SPIDR: variants seen among roughly 807,000 people sequenced by gnomAD.
SPIDR encodes scaffold protein involved in DNA repair, also known as DNA repair-scaffolding protein.
SPIDR carries 93 observed loss-of-function variants against 104.6 expected under a neutral mutation model. The observed-to-expected ratio is 0.89, with a 90% CI of 0.75 to 1.06. The LOEUF is 1.06. SPIDR is among the 50% of genes least tolerant of loss of function. The probability of loss-of-function intolerance (pLI) is 0.00; values close to 1 mark genes in which losing one functional copy is unlikely to be tolerated. For synonymous variants in SPIDR, 431 were observed against 416.9 expected, an observed-to-expected ratio of 1.03 and a Z score of -0.41; for missense variants, 1,154 against 1,111.2, an observed-to-expected ratio of 1.04 and a Z score of -0.55.
intron 16 of SPIDR, 146 bp downstream of exon 16, chr8:47,713,787 T>C (rs895936435): frequency 1.8e-6 from 2 of 1,131,412 alleles, no homozygotes; most frequent in Admixed American, 2.6e-5. Context: ...GCAGAAATTG[T>C]TCTTGGTATC....
intron 8 of SPIDR, among the ~76,000 whole-genome samples, chr8:47,530,993 C>T (rs1259411160): frequency 1.3e-5 from 2 of 151,936 alleles, no homozygotes; most frequent in South Asian, 2.1e-4. Flanking sequence ...TTACTGCAGC[C>T]TCAAACTCCT....
intron 8 of SPIDR, among the ~76,000 whole-genome samples, chr8:47,564,342 G>A (rs550869187): frequency 7.2e-5 from 11 of 152,178 alleles, no homozygotes; most frequent in African/African-American, 2.4e-4. Context: ...CTCCCAAAGT[G>A]CTGGGATTAC....
chr8:47,549,787 A>G (rs937807985), intron 8 of SPIDR, among the ~76,000 whole-genome samples: 4 of 152,168 alleles, frequency 2.6e-5, no homozygotes, highest in Non-Finnish European at 5.9e-5. Context: ...CCATTTGTCA[A>G]TTTTGGCTTT....
At chr8:47,363,223 T>TTA (rs1172429224) in intron 5 of SPIDR, among the ~76,000 whole-genome samples, 1 of 139,086 alleles carries the variant, frequency 7.2e-6, no homozygotes, top group Admixed American at 7.3e-5. Flanking sequence ...TTTTTTTTTT[T>TTA]GAGACAGAGT....
chr8:47,432,236 TG>T (rs2067487746), intron 7 of SPIDR, among the ~76,000 whole-genome samples: 1 of 152,238 alleles, frequency 6.6e-6, no homozygotes, highest in Non-Finnish European at 1.5e-5. Context: ...AAGTTTTTAG[TG>T]CATGTTAATG....
At chr8:47,548,351 T>C (rs1301697577) in intron 8 of SPIDR, among the ~76,000 whole-genome samples, 4 of 152,152 alleles carry the variant, frequency 2.6e-5, no homozygotes, top group African/African-American at 4.8e-5. Flanking sequence ...ATCTTAAGCT[T>C]TTTAAGTAAA....
At chr8:47,425,068 A>G (rs1554683765) in intron 7 of SPIDR, among the ~76,000 whole-genome samples, 1 of 152,212 alleles carries the variant, frequency 6.6e-6, no homozygotes, top group Admixed American at 6.5e-5. Context: ...TTTAAATTGT[A>G]TTATAGAGGG....
intron 8 of SPIDR, among the ~76,000 whole-genome samples, chr8:47,587,609 CAA>C (rs36084278): frequency 0.016 from 919 of 58,816 alleles, 5 homozygotes; most frequent in African/African-American, 0.043. Context: ...GACCCTGCCT[CAA>C]AAAAAAAAAA....
intron 11 of SPIDR, among the ~76,000 whole-genome samples, chr8:47,700,041 TAC>T (rs534487585): frequency 6.6e-6 from 1 of 152,078 alleles, no homozygotes; most frequent in South Asian, 2.1e-4. Flanking sequence ...TACACATACA[TAC>T]ACACACACAC....
intron 8 of SPIDR, among the ~76,000 whole-genome samples, chr8:47,535,497 A>G (rs2086746473): frequency 6.6e-6 from 1 of 152,194 alleles, no homozygotes; most frequent in Non-Finnish European, 1.5e-5. Context: ...ATGTAGATAC[A>G]TAAATAGTTA....
chr8:47,712,539 T>C, intron 14 of SPIDR, 123 bp from the exon 15 acceptor site: 1 of 1,117,536 alleles, frequency 8.9e-7, no homozygotes, highest in East Asian at 2.6e-5. Flanking sequence ...GTCTAGTGTA[T>C]GTTTTAAAGT....
chr8:47,404,280 A>T, intron 6 of SPIDR, among the ~76,000 whole-genome samples: 1 of 152,246 alleles, frequency 6.6e-6, no homozygotes, highest in Non-Finnish European at 1.5e-5. Context: ...CATTCAGGCC[A>T]TAGGCAAGGG....
At chr8:47,611,750 G>A (rs140816460) in intron 10 of SPIDR, among the ~76,000 whole-genome samples, 1 of 152,186 alleles carries the variant, frequency 6.6e-6, no homozygotes, top group East Asian at 1.9e-4. Context: ...GGGTTTTAAA[G>A]CATTTATTAC....
At chr8:47,616,398 T>C (rs552662671) in intron 10 of SPIDR, among the ~76,000 whole-genome samples, 1 of 152,356 alleles carries the variant, frequency 6.6e-6, no homozygotes, top group East Asian at 1.9e-4. Context: ...TCAAGTGCTT[T>C]TTCTGCACAG....
chr8:47,411,564 A>G (rs886316897), intron 7 of SPIDR, among the ~76,000 whole-genome samples: 1 of 152,240 alleles, frequency 6.6e-6, no homozygotes, highest in African/African-American at 2.4e-5. Flanking sequence ...TAGCTTTGTC[A>G]GATGAGTAGA....
At chr8:47,406,350 C>A (rs2062755186) in intron 6 of SPIDR, among the ~76,000 whole-genome samples, 1 of 152,076 alleles carries the variant, frequency 6.6e-6, no homozygotes, top group Non-Finnish European at 1.5e-5. Context: ...CATCTTGGTG[C>A]CTCAGTTTGT....
At chr8:47,658,029 CAAAAAAAAAAAA>C (rs34648437) in intron 10 of SPIDR, among the ~76,000 whole-genome samples, 1 of 76,044 alleles carries the variant, frequency 1.3e-5, no homozygotes, top group East Asian at 4.1e-4. Flanking sequence ...GACCCTGTCT[CAAAAAAAAAAAA>C]AAAAAAAAGA....
At chr8:47,290,920 A>T in intron 3 of SPIDR, 113 bp from the exon 4 acceptor site, 1 of 644,130 alleles carries the variant, frequency 1.6e-6, no homozygotes, top group South Asian at 2.8e-5. Context: ...TGCTTTTCCT[A>T]TCACAGAGTT....
chr8:47,582,615 G>A (rs964770667), intron 8 of SPIDR, among the ~76,000 whole-genome samples: 2 of 152,148 alleles, frequency 1.3e-5, no homozygotes, highest in Non-Finnish European at 2.9e-5. Context: ...AATGCAAAGC[G>A]TTTGTTTAGG....
Sources: allele counts gnomAD v4.1 joint callset (sites outside exome capture counted in the v4.1 genomes callset), GRCh38; gene constraint gnomAD v4.1.1; transcripts MANE v1.5; gene names NCBI Gene and HGNC (gene_info 2026-07-23, HGNC 2026-07-21).